The following PAM variants were observed in gnomAD, a reference collection of about 807,000 sequenced individuals.
PAM encodes peptidylglycine alpha-amidating monooxygenase.
PAM carries 72 observed loss-of-function variants against 122.1 expected under a neutral mutation model. The observed-to-expected ratio is 0.59, with a 90% confidence interval of 0.49 to 0.72. The LOEUF is 0.72. Among genes scored for constraint, PAM ranks in the 30% least tolerant of loss-of-function variants. The pLI is 0.00. For missense variants in PAM, 1,106 were observed against 1,183.7 expected, an observed-to-expected ratio of 0.93 and a Z score of 0.96; for synonymous variants, 389 against 404.4, an observed-to-expected ratio of 0.96 and a Z score of 0.46.
intron 15 of PAM, among the ~76,000 whole-genome samples, chr5:102,989,356 A>G (rs1773262756): frequency 6.6e-6 from 1 of 152,024 alleles, no homozygotes; most frequent in South Asian, 2.1e-4. Flanking sequence ...ATTTTTTTTC[A>G]ATTAACTGGG....
intron 14 of PAM, among the ~76,000 whole-genome samples, chr5:102,963,453 A>G (rs947541869): frequency 2.0e-5 from 3 of 152,000 alleles, no homozygotes; most frequent in African/African-American, 7.2e-5. Flanking sequence ...ATGTATGTTA[A>G]TTTTTAAAGT....
rs564468904 is a variant in PAM at position 102,913,252 on chromosome 5, T to C, written c.269-682T>C. Among the ~76,000 whole-genome samples the C allele has an allele frequency of 2.9e-4, 44 of 152,120 alleles. No individual in the cohort carries two copies. In the South Asian group the frequency reaches 7.7e-3, roughly 27 times the overall value. ...ATATTTTTAATTTTTTCTCTTTTAATTATGCACTTGTTTATTTTAATGTCT... is the reference window on the plus strand; with the variant it reads ...ATATTTTTAATTTTTTCTCTTTTAACTATGCACTTGTTTATTTTAATGTCT... On this transcript the variant is annotated intron_variant, in intron 4 of 25. Transcript: ENST00000438793.
chr5:102,806,942 A>G (rs1412990712), intron 1 of PAM, among the ~76,000 whole-genome samples: 1 of 152,202 alleles, frequency 6.6e-6, no homozygotes, highest in Non-Finnish European at 1.5e-5. Flanking sequence ...CGCACTATTT[A>G]CTCACAAGGG....
At chr5:102,815,257 G>T (rs1470905524) in intron 1 of PAM, among the ~76,000 whole-genome samples, 1 of 152,190 alleles carries the variant, frequency 6.6e-6, no homozygotes, top group East Asian at 1.9e-4. Context: ...GTTATAGAGC[G>T]AAGAAAGTAA....
intron 1 of PAM, among the ~76,000 whole-genome samples, chr5:102,764,005 G>T (rs1470007868): frequency 1.3e-5 from 2 of 152,182 alleles, no homozygotes; most frequent in African/African-American, 2.4e-5. Flanking sequence ...TGACATGACA[G>T]TGTGTACCAG....
intron 1 of PAM, among the ~76,000 whole-genome samples, chr5:102,816,326 T>C (rs1329187132): frequency 6.6e-6 from 1 of 152,146 alleles, no homozygotes; most frequent in Non-Finnish European, 1.5e-5. Context: ...ATTAAGGCAT[T>C]CTCTGCCTCA....
Position 102,866,239 on chromosome 5 carries a change from C to T in PAM, c.44C>T (p.Pro15Leu), listed in dbSNP as rs1214377158. Reference protein sequence around the residue: ...VPSLLVLLVFPSSCLAFRSPL... With the variant: ...VPSLLVLLVFLSSCLAFRSPL... Reference sequence around the variant, plus strand: ...AGCCTGCTAGTTCTCCTTGTTTTTCCAAGCAGCTGTTTGGCTTTCCGAAGC... The same window carrying T: ...AGCCTGCTAGTTCTCCTTGTTTTTCTAAGCAGCTGTTTGGCTTTCCGAAGC... The change falls in exon 2 of 26, where the codon CCA becomes CTA. Residue 15 changes from proline to leucine, a missense_variant. Around this residue, in one of 3 missense-constraint regions of PAM, gnomAD observed 670 missense variants for 690.3 expected, o/e 0.97. Transcript: ENST00000438793. The T allele has an allele frequency of 3.1e-6, 5 of 1,613,768 alleles. No homozygotes were observed. The African/African-American group carries it at 4.0e-5, about 13-fold the overall frequency.
At chr5:102,830,015 C>A (rs1774963547) in intron 1 of PAM, among the ~76,000 whole-genome samples, 1 of 152,132 alleles carries the variant, frequency 6.6e-6, no homozygotes, top group Non-Finnish European at 1.5e-5. Flanking sequence ...TTACACAGAC[C>A]TAGCAACACG....
intron 1 of PAM, among the ~76,000 whole-genome samples, chr5:102,770,382 A>G (rs1185904717): frequency 9.9e-5 from 15 of 152,020 alleles, no homozygotes. Flanking sequence ...TGATTGTTCT[A>G]GTTAGGACTT....
intron 16 of PAM, among the ~76,000 whole-genome samples, chr5:103,000,640 AT>A (rs1455779519): frequency 6.6e-6 from 1 of 152,216 alleles, no homozygotes; most frequent in Non-Finnish European, 1.5e-5. Flanking sequence ...ACAGTTCAGC[AT>A]GGCTGGAGGA....
intron 15 of PAM, chr5:102,987,569 A>G (rs186640018): frequency 4.8e-5 from 22 of 455,692 alleles, no homozygotes; most frequent in African/African-American, 4.0e-4. Flanking sequence ...ATAAGTGTTC[A>G]AGGTGATGTA....
At chr5:102,970,353 A>G (rs1028177905) in intron 14 of PAM, among the ~76,000 whole-genome samples, 4 of 152,198 alleles carry the variant, frequency 2.6e-5, no homozygotes, top group Non-Finnish European at 5.9e-5. Context: ...TCTAGCAGCT[A>G]TTAGGTTGGA....
At chr5:102,873,537 GCTGTGAT>G (rs1159939434) in intron 3 of PAM, 2 of 152,358 alleles carry the variant, frequency 1.3e-5, no homozygotes, top group African/African-American at 4.8e-5. Context: ...CTTCCCTAGT[GCTGTGAT>G]CTGTCCACCA....
chr5:102,761,967 T>C (rs1752483740), intron 1 of PAM, among the ~76,000 whole-genome samples: 4 of 152,256 alleles, frequency 2.6e-5, no homozygotes, highest in African/African-American at 7.2e-5. Flanking sequence ...CGAGGTCATA[T>C]GCTATTAGGG....
intron 9 of PAM, 28 bp downstream of exon 9, chr5:102,948,473 AT>A: frequency 1.0e-6 from 1 of 963,194 alleles, no homozygotes; most frequent in Non-Finnish European, 1.7e-6. Context: ...AATATTTACC[AT>A]TACCTCATTA....
intron 12 of PAM, among the ~76,000 whole-genome samples, chr5:102,958,384 C>A (rs1434861694): frequency 2.6e-5 from 4 of 152,040 alleles, no homozygotes; most frequent in African/African-American, 9.7e-5. Flanking sequence ...TCTACATATA[C>A]CTCCTTTTTT....
intron 12 of PAM, among the ~76,000 whole-genome samples, chr5:102,958,003 T>C (rs536204244): frequency 6.6e-6 from 1 of 152,330 alleles, no homozygotes; most frequent in Non-Finnish European, 1.5e-5. Context: ...TTTCCATTTA[T>C]GCAACAGAGA....
chr5:102,895,359 T>C (rs1240497395), intron 3 of PAM, among the ~76,000 whole-genome samples: 1 of 151,782 alleles, frequency 6.6e-6, no homozygotes. Context: ...AGACTAAGTT[T>C]TATGAGGGCA....
intron 1 of PAM, among the ~76,000 whole-genome samples, chr5:102,782,998 G>A (rs1051085616): frequency 1.3e-5 from 2 of 151,862 alleles, no homozygotes; most frequent in African/African-American, 4.8e-5. Flanking sequence ...AAACTTGGCA[G>A]GAAAATTGTA....
Sources: allele counts gnomAD v4.1 joint callset (sites outside exome capture counted in the v4.1 genomes callset), GRCh38; gene constraint gnomAD v4.1.1; regional missense constraint gnomAD v4.1.1; transcripts MANE v1.5; gene names NCBI Gene and HGNC (gene_info 2026-07-23, HGNC 2026-07-21).